The following RERE variants were observed in gnomAD, a reference collection of about 807,000 sequenced individuals.
RERE encodes arginine-glutamic acid dipeptide repeats protein.
Under a neutral mutation model 146.1 loss-of-function variants are expected in RERE, and 40 were observed. The ratio of observed to expected loss-of-function variants is 0.27; its 90% CI spans 0.21 to 0.36. The LOEUF (loss-of-function observed/expected upper bound fraction) is 0.36, where lower values mean the gene tolerates loss of function less well. Among genes scored for constraint, RERE ranks in the 10% least tolerant of loss-of-function variants. The pLI, the probability that RERE is intolerant of heterozygous loss-of-function variation, is 1.00. For synonymous variants in RERE, 1,003 were observed against 866.0 expected, an observed-to-expected ratio of 1.16 and a Z score of -2.78; for missense variants, 1,933 against 2,138.7, an observed-to-expected ratio of 0.90 and a Z score of 1.90.
At chr1:8,385,915 G>C (rs1642623762) in intron 12 of RERE, among the ~76,000 whole-genome samples, 1 of 133,210 alleles carries the variant, frequency 7.5e-6, no homozygotes, top group South Asian at 2.5e-4. Context: ...CTTGCAGTGA[G>C]TGGAGATCGC....
chr1:8,541,603 T>C (rs578026503), intron 6 of RERE, among the ~76,000 whole-genome samples: 2 of 152,130 alleles, frequency 1.3e-5, no homozygotes, highest in South Asian at 2.1e-4. Context: ...TTAAACAAAG[T>C]AGAAATGGAG....
intron 1 of RERE, among the ~76,000 whole-genome samples, chr1:8,757,237 C>A (rs942952851): frequency 6.6e-6 from 1 of 152,130 alleles, no homozygotes; most frequent in Non-Finnish European, 1.5e-5. Context: ...AAACATTTTC[C>A]TATTTCTGTT....
At chr1:8,705,794 TC>T (rs1195957956) in intron 1 of RERE, among the ~76,000 whole-genome samples, 2 of 152,116 alleles carry the variant, frequency 1.3e-5, no homozygotes, top group Non-Finnish European at 2.9e-5. Flanking sequence ...GAAGCCTATC[TC>T]AAATAAGTAA....
chr1:8,499,972 T>C (rs919983839), intron 8 of RERE, among the ~76,000 whole-genome samples: 4 of 151,354 alleles, frequency 2.6e-5, no homozygotes, highest in African/African-American at 7.3e-5. Flanking sequence ...ATACAAAAAT[T>C]AGCCAGGCGT....
At position 8,613,507 on chromosome 1, in the gene RERE, C is replaced by G. The variant is rs193251656; in HGVS notation, c.522+1054G>C. Among the ~76,000 whole-genome samples, 443 of 152,294 alleles carry G rather than the reference C, an allele frequency of 2.9e-3. 2 individuals are homozygous for G. Among genetic ancestry groups the G allele is most frequent in the African/African-American group, 0.01 (422 of 41,538 alleles). On this transcript the variant is annotated intron_variant, in intron 4 of 22. Coordinates refer to ENST00000400908, the MANE Select transcript of RERE (RefSeq NM_001042681.2). ...AAAAACATACCCAGCTCCTCAAAAC[C>G]TACCCACCCTCACAGAACTTCCCCA... is the stretch of plus-strand genomic sequence containing the variant.
intron 2 of RERE, among the ~76,000 whole-genome samples, chr1:8,635,972 C>CTTATTTTATTTTATT (rs1404664984): frequency 3.5e-5 from 5 of 143,946 alleles, no homozygotes; most frequent in South Asian, 2.1e-4. Flanking sequence ...CTTATCTTAT[C>CTTATTTTATTTTATT]TTATCTTATT....
chr1:8,417,453 A>G (rs1193971171), intron 12 of RERE, among the ~76,000 whole-genome samples: 1 of 152,202 alleles, frequency 6.6e-6, no homozygotes, highest in Non-Finnish European at 1.5e-5. Flanking sequence ...AATACCTTTC[A>G]TCCCATTACT....
intron 1 of RERE, among the ~76,000 whole-genome samples, chr1:8,794,357 CAAAAA>C (rs34549021): frequency 1.2e-4 from 5 of 40,550 alleles, no homozygotes; most frequent in Non-Finnish European, 2.3e-4. Context: ...GACTCCGTCT[CAAAAA>C]AAAAAAAAAA....
intron 1 of RERE, among the ~76,000 whole-genome samples, chr1:8,720,058 G>A (rs1403892799): frequency 6.6e-6 from 1 of 151,616 alleles, no homozygotes; most frequent in African/African-American, 2.4e-5. Context: ...GATTTCAAGA[G>A]ATCGAGACCA....
chr1:8,620,156 G>A (rs1646900540), intron 3 of RERE, among the ~76,000 whole-genome samples: 1 of 152,248 alleles, frequency 6.6e-6, no homozygotes, highest in Non-Finnish European at 1.5e-5. Context: ...GAGGGCAGCA[G>A]AAGGGTTGGA....
At chr1:8,589,556 C>A (rs184013749) in intron 4 of RERE, among the ~76,000 whole-genome samples, 3 of 152,326 alleles carry the variant, frequency 2.0e-5, no homozygotes, top group Non-Finnish European at 2.9e-5. Context: ...TCATTTGGCG[C>A]CCTATTTATT....
At chr1:8,384,978 C>G (rs987372893) in intron 12 of RERE, among the ~76,000 whole-genome samples, 1 of 152,196 alleles carries the variant, frequency 6.6e-6, no homozygotes, top group African/African-American at 2.4e-5. Flanking sequence ...ACAAGTCTCT[C>G]GTGCTTGCAC....
chr1:8,732,808 C>CTTTT (rs59337140), intron 1 of RERE, among the ~76,000 whole-genome samples: 27 of 65,726 alleles, frequency 4.1e-4, no homozygotes, highest in African/African-American at 6.0e-4. Flanking sequence ...TTCAATTTTT[C>CTTTT]TTTTTTTTTT....
Position 8,356,039 on chromosome 1 carries a change from G to A in RERE, c.4486+61C>T. On this transcript the variant is annotated intron_variant, in intron 21 of 22. Coordinates refer to ENST00000400908, the MANE Select transcript of RERE (RefSeq NM_001042681.2). This position sits in a 1 kb window ranked among gnomAD's most constrained non-coding sequence, Gnocchi z 5.2. ...GAATGAGTAATGAATGAAGACAGCA[G>A]ACCAGACCCCAACCCAACCCTCACA... 2 of 1,441,356 alleles carry A rather than the reference G, an allele frequency of 1.4e-6. No homozygotes were observed. The highest frequency in any genetic ancestry group is 1.8e-6 in the Non-Finnish European group (2 of 1,092,660). 89.3% of individuals were successfully genotyped at this position (1,441,356 alleles called of 1,614,324 possible). A position where few individuals can be genotyped will look rare whatever the true frequency, so the allele number is the denominator to read the frequency against.
chr1:8,475,145 G>A (rs1644737538), intron 10 of RERE, among the ~76,000 whole-genome samples: 1 of 152,278 alleles, frequency 6.6e-6, no homozygotes. Context: ...AGGCTGAAGT[G>A]GGCAGATCTC....
chr1:8,367,183 CCAAA>C (rs956082029), intron 12 of RERE, among the ~76,000 whole-genome samples: 33 of 152,114 alleles, frequency 2.2e-4, no homozygotes, highest in African/African-American at 7.5e-4. Context: ...AATAGACAAA[CCAAA>C]CAAAGACATG....
chr1:8,564,832 ATGTGTG>A (rs567556868), intron 4 of RERE, among the ~76,000 whole-genome samples: 82 of 139,100 alleles, frequency 5.9e-4, no homozygotes, highest in African/African-American at 1.7e-3. Context: ...GTATATGTGT[ATGTGTG>A]TGTGTGTGTG....
intron 2 of RERE, among the ~76,000 whole-genome samples, chr1:8,642,209 C>A (rs374391046): frequency 3.3e-5 from 5 of 152,170 alleles, no homozygotes; most frequent in Non-Finnish European, 1.5e-5. Flanking sequence ...TTCTGAGTTC[C>A]GCACCTATGT....
chr1:8,617,205 G>A (rs868190459), intron 3 of RERE, among the ~76,000 whole-genome samples: 24 of 151,884 alleles, frequency 1.6e-4, no homozygotes, highest in African/African-American at 5.8e-4. Context: ...ATAGCCGGGG[G>A]TGGTGGCAGG....
Sources: gnomAD v4.1 joint callset for allele counts (sites outside exome capture counted in the v4.1 genomes callset) on GRCh38, gnomAD v4.1.1 for gene constraint, Gnocchi (gnomAD v3.1) non-coding constraint, MANE v1.5 for transcripts, NCBI Gene and HGNC (gene_info 2026-07-23, HGNC 2026-07-21) for gene names.